The following NOTCH1 variants were observed in gnomAD, a reference collection of about 807,000 sequenced individuals.
NOTCH1 encodes notch receptor 1.
Under a neutral mutation model 254.8 loss-of-function variants are expected in NOTCH1, and 37 were observed. The observed-to-expected ratio is 0.15, with a 90% confidence interval of 0.11 to 0.19. The LOEUF (loss-of-function observed/expected upper bound fraction) is 0.19, where lower values mean the gene tolerates loss of function less well. Ranked by LOEUF, NOTCH1 falls within the 10% of genes least tolerant of loss-of-function variation. NOTCH1 has a pLI of 1.00. For synonymous variants in NOTCH1, 1,731 were observed against 1,618.1 expected (o/e 1.07, Z -1.68); for missense variants, 2,972 against 3,708.6 (o/e 0.80, Z 5.16).
rs775846884 is a variant in NOTCH1, at chr9:136,511,190, T to C, written c.2549A>G (p.Tyr850Cys). The C allele has an allele frequency of 3.7e-6, 6 of 1,612,644 alleles. No homozygotes were observed. Among genetic ancestry groups the C allele is most frequent in the South Asian group, 2.2e-5 (2 of 91,080 alleles). ...GGGGCAGACACAGGAGAAGCTCTCA[T>C]AGTCCTCGGATTGCCTGCACTCCCC... ...NGGECRQSED[Y>C]ESFSCVCPTG... Residue 850 changes from tyrosine (Y) to cysteine (C), a missense_variant, in exon 16 of 34, where the codon TAT becomes TGT. Tyr to Cys is a radical substitution (Grantham distance 194, BLOSUM62 -2). Around this residue, in one of 8 missense-constraint regions of NOTCH1, gnomAD observed 1,343 missense variants for 1,557.0 expected, o/e 0.86. Coordinates refer to ENST00000651671, the MANE Select transcript of NOTCH1 (RefSeq NM_017617.5).
chr9:136,527,519 C>T (rs1033132443), intron 2 of NOTCH1, among the ~76,000 whole-genome samples: 4 of 152,232 alleles, frequency 2.6e-5, no homozygotes, highest in Admixed American at 6.5e-5. Context: ...CCACCGTCCC[C>T]GCATCTCCTC....
chr9:136,509,117 G>T, intron 18 of NOTCH1, 46 bp from the exon 19 acceptor site: 1 of 1,505,734 alleles, frequency 6.6e-7, no homozygotes, highest in Non-Finnish European at 9.0e-7. Context: ...GGCATTGGTG[G>T]GTCCCCGCTC....
rs756972680 is a variant in NOTCH1 at position 136,506,764 on chromosome 9, C to A, written c.3853G>T (p.Val1285Leu). 34 of 1,607,752 alleles carry A rather than the reference C, an allele frequency of 2.1e-5. No homozygotes were observed. The highest frequency in any genetic ancestry group is 2.8e-5 in the Non-Finnish European group (33 of 1,177,722). The part of the protein sequence containing the change: ...PCDARGTQNC[V>L]QRVNDFHCEC... ...CAGTGGAAGTCATTGACGCGCTGCA[C>A]GCAGTTCTGGGTGCCACGGGCGTCG... The change falls in exon 23 of 34, where the codon GTG becomes TTG. Residue 1285 changes from valine (V) to leucine (L), a missense_variant. Physicochemically the swap from Val to Leu is conservative, Grantham distance 32. Around this residue, in one of 8 missense-constraint regions of NOTCH1, gnomAD observed 1,343 missense variants for 1,557.0 expected, o/e 0.86. Transcript: ENST00000651671. This position sits in a 1 kb window ranked among gnomAD's most constrained non-coding sequence, Gnocchi z 4.5.
rs1186700815 is a variant in NOTCH1, at chr9:136,496,967, G to A, written c.6772C>T (p.Leu2258=). ...AAGGCCAGCCGGCCGCCCCCACCCA[G>A]CGCCGCCATCTCGGGCTTGGCCGCC... ...NVAAKPEMAA[L]GGGGRLAFET... The change falls in exon 34 of 34, where the codon CTG becomes TTG. Residue 2258 remains leucine, a synonymous_variant. Coordinates refer to ENST00000651671, the MANE Select transcript of NOTCH1 (RefSeq NM_017617.5). 6.2e-7 allele frequency: 1 copy of A among 1,610,846 alleles called. No individual in the cohort carries two copies. The highest frequency in any genetic ancestry group is 1.7e-5 in the Admixed American group (1 of 59,850).
Position 136,540,625 on chromosome 9 carries a change from G to A in NOTCH1, c.140+3399C>T, listed in dbSNP as rs1299164700. 3.3e-5 allele frequency among the ~76,000 whole-genome samples: 5 copies of A among 151,890 alleles called. No homozygotes were observed. Among genetic ancestry groups the A allele is most frequent in the Admixed American group, 6.6e-5 (1 of 15,258 alleles). ...CAAGAGATCCAGCGTGTATCAGCCC[G>A]GCTGACATGCTGGGGAAACTGAGGC... is the stretch of plus-strand genomic sequence containing the variant. On this transcript the variant is annotated intron_variant, in intron 2 of 33. Coordinates refer to ENST00000651671, the MANE Select transcript of NOTCH1 (RefSeq NM_017617.5). The surrounding 1 kb of genome is among the most constrained non-coding windows in gnomAD (Gnocchi z 4.4).
intron 2 of NOTCH1, among the ~76,000 whole-genome samples, chr9:136,533,659 C>G (rs1162165782): frequency 6.6e-6 from 1 of 152,244 alleles, no homozygotes; most frequent in Non-Finnish European, 1.5e-5. Flanking sequence ...CCCGCAGGGT[C>G]GAGGGCAGGA....
intron 26 of NOTCH1, among the ~76,000 whole-genome samples, chr9:136,503,564 G>A (rs559316303): frequency 1.2e-4 from 19 of 152,254 alleles, no homozygotes; most frequent in East Asian, 1.9e-4. Context: ...CCACCAACGC[G>A]CTCTCCCTGG....
intron 19 of NOTCH1, 59 bp downstream of exon 19, chr9:136,508,811 G>A (rs962570705): frequency 1.4e-5 from 21 of 1,478,132 alleles, no homozygotes; most frequent in South Asian, 1.2e-4. Flanking sequence ...CCCACCTCCC[G>A]CAGGTAGGCA....
intron 2 of NOTCH1, among the ~76,000 whole-genome samples, chr9:136,537,766 A>C (rs1227955704): frequency 6.6e-6 from 1 of 152,192 alleles, no homozygotes; most frequent in Non-Finnish European, 1.5e-5. Flanking sequence ...ACTTCACTCC[A>C]GCCTGTGTGA....
rs1413823656 is a variant in NOTCH1, at chr9:136,545,819, G to C, written c.-33C>G. On this transcript the variant is annotated 5_prime_UTR_variant, in exon 1 of 34. Coordinates refer to ENST00000651671, the MANE Select transcript of NOTCH1 (RefSeq NM_017617.5). The surrounding 1 kb of genome is among the most constrained non-coding windows in gnomAD (Gnocchi z 6.8). ...CACCGGCTGCCCTCTGCGCCCGGGC[G>C]GCGGCCTCCTGCGCTGGCCGGCGGG... The C allele has an allele frequency of 8.2e-7, 1 of 1,212,310 alleles. No homozygotes were observed. The highest frequency in any genetic ancestry group is 1.0e-6 in the Non-Finnish European group (1 of 967,376). 75.1% of individuals were successfully genotyped at this position (1,212,310 alleles called of 1,614,324 possible).
At position 136,545,681 on chromosome 9, in the gene NOTCH1, C is replaced by A; in HGVS notation, c.61+45G>T. On this transcript the variant is annotated intron_variant, in intron 1 of 33. Coordinates refer to ENST00000651671, the MANE Select transcript of NOTCH1 (RefSeq NM_017617.5). The surrounding 1 kb of genome is among the most constrained non-coding windows in gnomAD (Gnocchi z 6.8). ...GCGCGCCGGGCGCCGCCAAAGTTTC[C>A]AAAGGGCGCGGAAAGTGGGGGCTCG... 1 of 1,425,006 alleles carries A rather than the reference C, an allele frequency of 7.0e-7. No homozygotes were observed. The highest frequency in any genetic ancestry group is 9.2e-7 in the Non-Finnish European group (1 of 1,087,928). 88.3% of individuals were successfully genotyped at this position (1,425,006 alleles called of 1,614,324 possible). A position where few individuals can be genotyped will look rare whatever the true frequency, so the allele number is the denominator to read the frequency against.
In NOTCH1 at chr9:136,496,940, C is replaced by G. The variant is rs1426173633; in HGVS notation, c.6799G>C (p.Glu2267Gln). ...TGGGAGAGACGAGGTGGGCCAGTCT[C>G]AAAGGCCAGCCGGCCGCCCCCACCC... ...ALGGGGRLAF[E>Q]TGPPRLSHLP... is the part of the protein sequence containing the mutation. Residue 2267 changes from glutamate to glutamine, a missense_variant, in exon 34 of 34, where the codon GAG becomes CAG. Physicochemically the swap from Glu to Gln is conservative, Grantham distance 29 (BLOSUM62 2). Around this residue, in one of 8 missense-constraint regions of NOTCH1, gnomAD observed 529 missense variants for 529.2 expected, o/e 1.00. Coordinates refer to ENST00000651671, the MANE Select transcript of NOTCH1 (RefSeq NM_017617.5). The G allele has an allele frequency of 2.5e-6, 4 of 1,611,610 alleles. No homozygotes were observed. Among genetic ancestry groups the G allele is most frequent in the African/African-American group, 2.7e-5 (2 of 74,892 alleles).
Position 136,496,676 on chromosome 9 carries a change from C to T in NOTCH1, c.7063G>A (p.Ala2355Thr). ...ATCATCTGGGACAGGGCGCTGGCAG[C>T]AAGGCTACTGTGCAGCGGGCCTACC... ...GMVGPLHSSLAASALSQMMSY... is the reference protein window; with the variant it reads ...GMVGPLHSSLTASALSQMMSY... Residue 2355 changes from alanine (A) to threonine (T), a missense_variant, in exon 34 of 34, where the codon GCT (alanine) becomes ACT (threonine). Ala to Thr is a moderately conservative substitution (Grantham distance 58). Around this residue, in one of 8 missense-constraint regions of NOTCH1, gnomAD observed 529 missense variants for 529.2 expected, o/e 1.00. Transcript: ENST00000651671. 2 of 1,612,882 alleles carry T rather than the reference C, an allele frequency of 1.2e-6. No homozygotes were observed. Among genetic ancestry groups the T allele is most frequent in the Non-Finnish European group, 1.7e-6 (2 of 1,179,922 alleles).
At chr9:136,509,642 C>T (rs149725431) in intron 18 of NOTCH1, 91 bp downstream of exon 18, 10 of 1,192,180 alleles carry the variant, frequency 8.4e-6, no homozygotes, top group African/African-American at 4.5e-5. Flanking sequence ...CCGGCCTAGG[C>T]GGACGCCTGC....
chr9:136,535,241 C>T (rs1368131451), intron 2 of NOTCH1, among the ~76,000 whole-genome samples: 1 of 151,694 alleles, frequency 6.6e-6, no homozygotes, highest in African/African-American at 2.4e-5. Context: ...GTGGGAGGGG[C>T]CAGGCCCCCA....
In NOTCH1 at chr9:136,517,000, G is replaced by A. The variant is rs3125008; in HGVS notation, c.1555+272C>T. Reference sequence around the variant, plus strand: ...CCCCTCAGGAGGCCGGGGTGCAGACGGCCCAGGGGCAGGGGACACAATCCA... The same window carrying A: ...CCCCTCAGGAGGCCGGGGTGCAGACAGCCCAGGGGCAGGGGACACAATCCA... On this transcript the variant is annotated intron_variant, in intron 9 of 33. Transcript: ENST00000651671. 0.4 allele frequency among the ~76,000 whole-genome samples: 59,095 copies of A among 145,954 alleles called. 12,746 individuals carry two copies. The highest frequency in any genetic ancestry group is 0.84 in the East Asian group (3,943 of 4,692).
In NOTCH1 at chr9:136,545,828, C is replaced by T; in HGVS notation, c.-42G>A. On this transcript the variant is annotated 5_prime_UTR_variant, in exon 1 of 34. Coordinates refer to ENST00000651671, the MANE Select transcript of NOTCH1 (RefSeq NM_017617.5). The surrounding 1 kb of genome is among the most constrained non-coding windows in gnomAD (Gnocchi z 6.8). ...CCCTCTGCGCCCGGGCGGCGGCCTC[C>T]TGCGCTGGCCGGCGGGGCTGGGACG... 1 of 1,139,388 alleles carries T rather than the reference C, an allele frequency of 8.8e-7. No individual in the cohort carries two copies. The highest frequency in any genetic ancestry group is 1.1e-6 in the Non-Finnish European group (1 of 912,174). The allele number at this position is 1,139,388 out of a possible 1,614,324, so 70.6% of individuals were successfully genotyped here.
At chr9:136,529,526 C>A (rs1843525627) in intron 2 of NOTCH1, among the ~76,000 whole-genome samples, 1 of 152,240 alleles carries the variant, frequency 6.6e-6, no homozygotes, top group South Asian at 2.1e-4. Context: ...CAGCCCAGCC[C>A]TGGGGGATGG....
chr9:136,544,067 T>G lies in NOTCH1; in HGVS notation c.97A>C (p.Asn33His). Residue 33 changes from asparagine (N) to histidine (H), a missense_variant, in exon 2 of 34, where the codon AAT becomes CAT. Asn to His is a moderately conservative substitution (Grantham distance 68). This residue lies in a region of NOTCH1 where 374 missense variants were observed against 496.3 expected (regional missense o/e 0.75). Transcript: ENST00000651671. ...RCSQPGETCLNGGKCEAANGT... is the reference protein window; with the variant it reads ...RCSQPGETCLHGGKCEAANGT... ...TTGGCCGCTTCACACTTCCCGCCAT[T>G]CAGGCAGGTCTCACCGGGCTGGGAG... 6.3e-7 allele frequency: 1 copy of G among 1,582,058 alleles called. No individual in the cohort carries two copies. Among genetic ancestry groups the G allele is most frequent in the Non-Finnish European group, 8.6e-7 (1 of 1,165,350 alleles).
Sources: allele counts gnomAD v4.1 joint callset (sites outside exome capture counted in the v4.1 genomes callset), GRCh38; gene constraint gnomAD v4.1.1; regional missense constraint gnomAD v4.1.1; non-coding constraint Gnocchi (gnomAD v3.1); transcripts MANE v1.5; gene names NCBI Gene and HGNC (gene_info 2026-07-23, HGNC 2026-07-21).